MAP4K3: variants seen among roughly 807,000 people sequenced by gnomAD.
MAP4K3 encodes mitogen-activated protein kinase kinase kinase kinase 3, also known as MAPK/ERK kinase kinase kinase 3.
Under a neutral mutation model 143.5 loss-of-function variants are expected in MAP4K3, and 94 were observed. That is an observed-to-expected ratio of 0.65 (90% confidence interval 0.55 to 0.78). The LOEUF (loss-of-function observed/expected upper bound fraction) is 0.78. Among genes scored for constraint, MAP4K3 ranks in the 30% least tolerant of loss-of-function variants. The pLI is 0.00. For synonymous variants in MAP4K3, 416 were observed against 347.2 expected (o/e 1.20, Z -2.20); for missense variants, 1,077 against 1,068.1 (o/e 1.01, Z -0.12).
chr2:39,373,792 A>G (rs1184371664), intron 2 of MAP4K3, among the ~76,000 whole-genome samples: 2 of 152,198 alleles, frequency 1.3e-5, no homozygotes, highest in African/African-American at 4.8e-5. Flanking sequence ...TAGGCTGGGA[A>G]GCTTACAGGG....
intron 1 of MAP4K3, among the ~76,000 whole-genome samples, chr2:39,383,263 A>C (rs1408065909): frequency 6.6e-6 from 1 of 152,192 alleles, no homozygotes; most frequent in East Asian, 1.9e-4. Flanking sequence ...CTTACAAGCA[A>C]GGCAAAAGGG....
intron 30 of MAP4K3, 28 bp from the exon 31 acceptor site, chr2:39,258,468 T>G (rs1175999610): frequency 6.2e-7 from 1 of 1,601,078 alleles, no homozygotes; most frequent in Non-Finnish European, 8.6e-7. Context: ...ACTCAGAAAC[T>G]AAGATAAAAG....
Position 39,365,882 on chromosome 2 carries a change from A to T in MAP4K3, c.155-9543T>A, listed in dbSNP as rs570001477. Among the ~76,000 whole-genome samples the T allele has an allele frequency of 4.6e-5, 7 of 152,366 alleles. No individual in the cohort carries two copies. In the East Asian group the frequency reaches 1.3e-3, roughly 29 times the overall value. ...CATTTCCATTCTATTTTAAACACAG[A>T]GAAGTGAGAACACACATCTACGTTA... On this transcript the variant is annotated intron_variant, in intron 2 of 33. Coordinates refer to ENST00000263881, the MANE Select transcript of MAP4K3 (RefSeq NM_003618.4).
Position 39,330,923 on chromosome 2 carries a change from G to A in MAP4K3, c.530+994C>T, listed in dbSNP as rs185908093. 1.4e-3 allele frequency among the ~76,000 whole-genome samples: 207 copies of A among 152,262 alleles called. 2 individuals are homozygous for A. The highest frequency in any genetic ancestry group is 4.7e-3 in the African/African-American group (195 of 41,558). ...ATAAGATGATTGAAAGATGAATGAAGAGAGCTAAGATCTTCAACTGTCATA... is the reference window on the plus strand; with the variant it reads ...ATAAGATGATTGAAAGATGAATGAAAAGAGCTAAGATCTTCAACTGTCATA... On this transcript the variant is annotated intron_variant, in intron 8 of 33. Transcript: ENST00000263881.
chr2:39,336,921 T>C lies in MAP4K3; in HGVS notation c.413A>G (p.Lys138Arg). 1 of 1,258,858 alleles carries C rather than the reference T, an allele frequency of 7.9e-7. No homozygotes were observed. Among genetic ancestry groups the C allele is most frequent in the Non-Finnish European group, 1.1e-6 (1 of 893,036 alleles). The allele number at this position is 1,258,858 out of a possible 1,614,324, so 78.0% of individuals were successfully genotyped here. A position where few individuals can be genotyped will look rare whatever the true frequency, so the allele number is the denominator to read the frequency against. The change falls in exon 6 of 34, where the codon AAG becomes AGG. Residue 138 changes from lysine (K) to arginine (R), a missense_variant and splice_region_variant. Transcript: ENST00000263881. ...HSKGKMHRDI[K>R]GANILLTDNG... ...TTATGTTAAAAATATAATGTATACC[T>C]TTATATCTCTGTGCATTTTTCCTTT...
chr2:39,344,001 A>G (rs1665213600), intron 3 of MAP4K3, among the ~76,000 whole-genome samples: 1 of 152,190 alleles, frequency 6.6e-6, no homozygotes, highest in African/African-American at 2.4e-5. Flanking sequence ...TGTGATTTAT[A>G]TAGGTCATTC....
intron 2 of MAP4K3, among the ~76,000 whole-genome samples, chr2:39,357,314 G>A (rs1305095518): frequency 1.3e-5 from 2 of 152,186 alleles, no homozygotes; most frequent in Non-Finnish European, 1.5e-5. Flanking sequence ...TACTAATTCA[G>A]CTTTTAAAGT....
chr2:39,369,195 T>TTTTTTG (rs1553419599), intron 2 of MAP4K3, among the ~76,000 whole-genome samples: 1 of 89,000 alleles, frequency 1.1e-5, no homozygotes, highest in South Asian at 4.8e-4. Flanking sequence ...TTGGGCTAGT[T>TTTTTTG]TTTTTTTTTG....
intron 2 of MAP4K3, among the ~76,000 whole-genome samples, chr2:39,364,046 C>T (rs1484700913): frequency 6.7e-6 from 1 of 148,344 alleles, no homozygotes; most frequent in Non-Finnish European, 1.5e-5. Flanking sequence ...GATATGAATA[C>T]CCCCGTCCAC....
chr2:39,267,524 T>C (rs1314976042), intron 26 of MAP4K3: 1 of 302,342 alleles, frequency 3.3e-6, no homozygotes. Context: ...TACAAAAAAA[T>C]TAGCCAGGCA....
At chr2:39,282,688 T>C in intron 21 of MAP4K3, 134 bp from the exon 22 acceptor site, 1 of 630,018 alleles carries the variant, frequency 1.6e-6, no homozygotes, top group East Asian at 3.1e-5. Context: ...CAGTTAAGGC[T>C]GAAGTTCCCC....
intron 2 of MAP4K3, among the ~76,000 whole-genome samples, chr2:39,368,992 G>A (rs746522351): frequency 1.2e-4 from 18 of 151,938 alleles, no homozygotes; most frequent in Non-Finnish European, 2.1e-4. Context: ...AAAATCTCAT[G>A]CAGTCACCCC....
At chr2:39,292,419 T>C (rs1332598393) in intron 18 of MAP4K3, among the ~76,000 whole-genome samples, 2 of 152,172 alleles carry the variant, frequency 1.3e-5, no homozygotes, top group African/African-American at 4.8e-5. Flanking sequence ...AGATCACTCT[T>C]ACCCCTGATC....
chr2:39,327,517 TA>T (rs1683534836), intron 8 of MAP4K3, among the ~76,000 whole-genome samples: 1 of 152,166 alleles, frequency 6.6e-6, no homozygotes, highest in African/African-American at 2.4e-5. Flanking sequence ...TAAAAGCAAC[TA>T]ATTGAAATAA....
chr2:39,346,020 T>C (rs1248172480), intron 3 of MAP4K3, among the ~76,000 whole-genome samples: 8 of 150,244 alleles, frequency 5.3e-5, no homozygotes, highest in Non-Finnish European at 7.4e-5. Context: ...AACAATGAAA[T>C]TGAAGCATAC....
At chr2:39,282,620 T>A in intron 21 of MAP4K3, 66 bp from the exon 22 acceptor site, 4 of 1,027,484 alleles carry the variant, frequency 3.9e-6, no homozygotes, top group Non-Finnish European at 6.0e-6. Context: ...ATACTGTATT[T>A]CAAACACATT....
chr2:39,355,582 T>C (rs947452840), intron 3 of MAP4K3, among the ~76,000 whole-genome samples: 4 of 151,952 alleles, frequency 2.6e-5, no homozygotes, highest in African/African-American at 9.7e-5. Flanking sequence ...TCTCTAATCT[T>C]CCCTTGGAGG....
intron 4 of MAP4K3, among the ~76,000 whole-genome samples, chr2:39,342,790 T>G (rs976902827): frequency 2.1e-4 from 32 of 151,896 alleles, no homozygotes; most frequent in African/African-American, 7.5e-4. Flanking sequence ...TCTCAGAAAA[T>G]AGACATTAAA....
intron 1 of MAP4K3, among the ~76,000 whole-genome samples, chr2:39,421,009 T>G (rs1313140641): frequency 6.6e-6 from 1 of 152,138 alleles, no homozygotes; most frequent in African/African-American, 2.4e-5. Flanking sequence ...TTAATCTAAT[T>G]CATATCATTT....
Sources: allele counts gnomAD v4.1 joint callset (sites outside exome capture counted in the v4.1 genomes callset), GRCh38; gene constraint gnomAD v4.1.1; transcripts MANE v1.5; gene names NCBI Gene and HGNC (gene_info 2026-07-23, HGNC 2026-07-21).